BICD1: variants seen among roughly 807,000 people sequenced by gnomAD.
BICD1 encodes the protein protein bicaudal D homolog 1.
A neutral mutation model predicts 92.5 loss-of-function variants in BICD1; 35 were observed. That is an observed-to-expected ratio of 0.38 (90% CI 0.29 to 0.50). The LOEUF (loss-of-function observed/expected upper bound fraction) is 0.50, where lower values mean the gene tolerates loss of function less well. Among genes scored for constraint, BICD1 ranks in the 20% least tolerant of loss-of-function variants. The pLI, the probability that BICD1 is intolerant of heterozygous loss-of-function variation, is 0.93. For missense variants in BICD1, 950 were observed against 1,189.8 expected (o/e 0.80, Z 2.97); for synonymous variants, 429 against 465.1 (o/e 0.92, Z 1.00).
At chr12:32,262,806 G>A (rs1161143223) in intron 2 of BICD1, among the ~76,000 whole-genome samples, 1 of 152,238 alleles carries the variant, frequency 6.6e-6, no homozygotes, top group African/African-American at 2.4e-5. Context: ...AATTTCAAGT[G>A]TCTGGCCTCC....
chr12:32,333,305 C>T, intron 5 of BICD1: 1 of 955,172 alleles, frequency 1.0e-6, no homozygotes, highest in Non-Finnish European at 1.2e-6. Context: ...CAAGTATTTA[C>T]AGAACATACA....
At chr12:32,221,196 A>G (rs1291363895) in intron 2 of BICD1, among the ~76,000 whole-genome samples, 4 of 151,896 alleles carry the variant, frequency 2.6e-5, no homozygotes, top group African/African-American at 7.2e-5. Flanking sequence ...ATACATATGT[A>G]ACTAACCTGC....
At chr12:32,261,464 T>C (rs1946858157) in intron 2 of BICD1, among the ~76,000 whole-genome samples, 1 of 152,136 alleles carries the variant, frequency 6.6e-6, no homozygotes, top group Non-Finnish European at 1.5e-5. Context: ...CATCACATTG[T>C]AGGGACAGTG....
intron 1 of BICD1, among the ~76,000 whole-genome samples, chr12:32,115,932 G>A (rs1345997384): frequency 6.6e-6 from 1 of 152,084 alleles, no homozygotes; most frequent in African/African-American, 2.4e-5. Context: ...GCTTTATTAC[G>A]TTATCCCTTC....
intron 1 of BICD1, among the ~76,000 whole-genome samples, chr12:32,157,038 A>G (rs1222742934): frequency 5.3e-5 from 8 of 152,232 alleles, no homozygotes; most frequent in African/African-American, 1.7e-4. Flanking sequence ...CCTGGGATAT[A>G]ATTACTGGCA....
chr12:32,233,864 TGATTAA>T (rs1945977622), intron 2 of BICD1, among the ~76,000 whole-genome samples: 1 of 152,196 alleles, frequency 6.6e-6, no homozygotes, highest in Non-Finnish European at 1.5e-5. Flanking sequence ...AGGTCTAGCC[TGATTAA>T]GATTCTGTTC....
chr12:32,367,674 T>C lies in BICD1; in HGVS notation c.2769T>C (p.Cys923=). ...TAATTTATCAGTTTCTTGTAGATTGTCAGCAGCCTGCTGCCTCCGTACCGC... is the reference window on the plus strand; with the variant it reads ...TAATTTATCAGTTTCTTGTAGATTGCCAGCAGCCTGCTGCCTCCGTACCGC... The part of the protein sequence containing the change: ...EKRLTVAPPD[C]QQPAASVPPQ... The change falls in exon 9 of 10, where the codon TGT becomes TGC. Residue 923 remains cysteine, a synonymous_variant. Coordinates refer to ENST00000652176, the MANE Select transcript of BICD1 (RefSeq NM_001714.4). The C allele has an allele frequency of 6.2e-7, 1 of 1,613,918 alleles. No homozygotes were observed.
At chr12:32,294,952 G>A (rs966152810) in intron 3 of BICD1, among the ~76,000 whole-genome samples, 4 of 151,324 alleles carry the variant, frequency 2.6e-5, no homozygotes, top group Non-Finnish European at 4.4e-5. Flanking sequence ...CATGTTGGTG[G>A]GTACCTGTAA....
intron 1 of BICD1, among the ~76,000 whole-genome samples, chr12:32,135,297 A>C (rs564066816): frequency 1.3e-5 from 2 of 149,482 alleles, no homozygotes; most frequent in South Asian, 4.3e-4. Context: ...CATGTTGGCC[A>C]GGCTGGTCTT....
At chr12:32,350,233 C>T (rs1253913334) in intron 8 of BICD1, among the ~76,000 whole-genome samples, 2 of 151,986 alleles carry the variant, frequency 1.3e-5, no homozygotes, top group Non-Finnish European at 2.9e-5. Context: ...CTGTAATCCC[C>T]GCACTTTGGG....
At chr12:32,206,640 C>T (rs983654917) in intron 1 of BICD1, among the ~76,000 whole-genome samples, 3 of 152,118 alleles carry the variant, frequency 2.0e-5, no homozygotes, top group Non-Finnish European at 4.4e-5. Context: ...ACTCTTCCTT[C>T]AGCAAATGTA....
intron 1 of BICD1, among the ~76,000 whole-genome samples, chr12:32,142,995 C>T (rs901395249): frequency 6.6e-6 from 1 of 152,188 alleles, no homozygotes; most frequent in Admixed American, 6.5e-5. Context: ...ACCTATTCCC[C>T]TATCCTGCTT....
chr12:32,361,732 G>A (rs1939336668), intron 8 of BICD1, among the ~76,000 whole-genome samples: 1 of 152,042 alleles, frequency 6.6e-6, no homozygotes, highest in Admixed American at 6.6e-5. Context: ...AAAAAGTAGG[G>A]ATGCATTAGT....
intron 8 of BICD1, among the ~76,000 whole-genome samples, chr12:32,360,848 G>A (rs1014920194): frequency 6.6e-6 from 1 of 152,126 alleles, no homozygotes; most frequent in Non-Finnish European, 1.5e-5. Flanking sequence ...TGATTTAAGA[G>A]AGAAATAAAT....
intron 8 of BICD1, among the ~76,000 whole-genome samples, chr12:32,357,098 A>C (rs1301118460): frequency 3.6e-5 from 5 of 137,320 alleles, no homozygotes; most frequent in African/African-American, 1.4e-4. Context: ...TGCAACCTCC[A>C]CCCCCCGGGT....
chr12:32,182,388 T>C (rs552812585), intron 1 of BICD1, among the ~76,000 whole-genome samples: 13 of 145,638 alleles, frequency 8.9e-5, no homozygotes, highest in Middle Eastern at 3.5e-3. Context: ...GTCCAGGCAA[T>C]TCTCCTGCCT....
intron 4 of BICD1, among the ~76,000 whole-genome samples, chr12:32,325,078 A>G (rs1948744914): frequency 6.6e-6 from 1 of 151,498 alleles, no homozygotes; most frequent in Non-Finnish European, 1.5e-5. Flanking sequence ...GGCCCAAGCA[A>G]TGCTTCTGCC....
intron 4 of BICD1, among the ~76,000 whole-genome samples, chr12:32,325,974 T>C (rs1043768881): frequency 7.1e-6 from 1 of 141,152 alleles, no homozygotes; most frequent in Non-Finnish European, 1.5e-5. Context: ...TCCCAGCTAC[T>C]GGGGAGGCTG....
chr12:32,130,235 C>T (rs1052826778), intron 1 of BICD1, among the ~76,000 whole-genome samples: 4 of 149,808 alleles, frequency 2.7e-5, no homozygotes, highest in Admixed American at 1.3e-4. Flanking sequence ...GATGGAGTCT[C>T]GCTCTGTCGC....
Sources: gnomAD v4.1 joint callset for allele counts (sites outside exome capture counted in the v4.1 genomes callset) on GRCh38, gnomAD v4.1.1 for gene constraint, MANE v1.5 for transcripts, NCBI Gene and HGNC (gene_info 2026-07-23, HGNC 2026-07-21) for gene names.